The following ZKSCAN3 variants were observed in gnomAD, a reference collection of about 807,000 sequenced individuals.
ZKSCAN3 encodes zinc finger protein with KRAB and SCAN domains 3.
ZKSCAN3 carries 21 observed loss-of-function variants against 30.7 expected under a neutral mutation model. The ratio of observed to expected loss-of-function variants is 0.68; its 90% CI spans 0.49 to 0.99. The LOEUF is 0.99. Ranked by LOEUF, ZKSCAN3 falls within the 50% of genes least tolerant of loss-of-function variation. ZKSCAN3 has a pLI of 0.00. For missense variants in ZKSCAN3, 507 were observed against 647.1 expected (o/e 0.78, Z 2.35); for synonymous variants, 201 against 246.7 (o/e 0.81, Z 1.73).
chr6:28,362,720 T>A (rs1765814605), intron 3 of ZKSCAN3, among the ~76,000 whole-genome samples: 1 of 152,206 alleles, frequency 6.6e-6, no homozygotes, highest in South Asian at 2.1e-4. Context: ...CCTGAAGCTC[T>A]TTACTTTTCT....
chr6:28,359,545 G>C lies in ZKSCAN3; in HGVS notation c.-42G>C. The C allele has an allele frequency of 6.3e-7, 1 of 1,582,620 alleles. No homozygotes were observed. Among genetic ancestry groups the C allele is most frequent in the Non-Finnish European group, 8.6e-7 (1 of 1,163,296 alleles). ...TTCAGGGATCTTCTGCAGAAATAGC[G>C]CTGGAAGCTAGAGTGAGGCCTGAGT... On this transcript the variant is annotated 5_prime_UTR_variant, in exon 2 of 6. Coordinates refer to ENST00000252211, the MANE Select transcript of ZKSCAN3 (RefSeq NM_024493.4).
rs1581721483 is a variant in ZKSCAN3 at position 28,354,007 on chromosome 6, C to G, written c.-63+3940C>G. ...AGCAGCAGCTGCTGCAGCTCTCACA[C>G]TGTCTGCCTCTGTCTCGGCTGCCTC... On this transcript the variant is annotated intron_variant, in intron 1 of 5. Coordinates refer to ENST00000252211, the MANE Select transcript of ZKSCAN3 (RefSeq NM_024493.4). 1.6e-5 allele frequency: 7 copies of G among 451,406 alleles called. No homozygotes were observed. In the East Asian group the frequency reaches 4.9e-4, roughly 31 times the overall value. The allele number at this position is 451,406 out of a possible 1,614,324, so 28.0% of individuals were successfully genotyped here.
At chr6:28,363,198 C>T in intron 3 of ZKSCAN3, 105 bp from the exon 4 acceptor site, 1 of 1,014,036 alleles carries the variant, frequency 9.9e-7, no homozygotes. Flanking sequence ...TGGGCTCAAT[C>T]AAGTGAGACA....
In ZKSCAN3 at chr6:28,360,521, A is replaced by G. The variant is rs1561937668; in HGVS notation, c.402+533A>G. 5.2e-6 allele frequency: 5 copies of G among 961,500 alleles called. 1 individual carries two copies. The allele number at this position is 961,500 out of a possible 1,614,324, so 59.6% of individuals were successfully genotyped here. A position where few individuals can be genotyped will look rare whatever the true frequency, so the allele number is the denominator to read the frequency against. ...TGTTCAAGTTCATGGACTACGTGGGAAGGAGTTCATGGACCACTGGTTATG... is the reference window on the plus strand; with the variant it reads ...TGTTCAAGTTCATGGACTACGTGGGGAGGAGTTCATGGACCACTGGTTATG... On this transcript the variant is annotated intron_variant, in intron 2 of 5. Coordinates refer to ENST00000252211, the MANE Select transcript of ZKSCAN3 (RefSeq NM_024493.4).
chr6:28,362,906 G>A (rs1434778972), intron 3 of ZKSCAN3, among the ~76,000 whole-genome samples: 1 of 152,140 alleles, frequency 6.6e-6, no homozygotes, highest in Non-Finnish European at 1.5e-5. Context: ...AAAATTCAAA[G>A]GATCTTCAGA....
rs530163374 is a variant in ZKSCAN3, at chr6:28,352,141, G to A, written c.-63+2074G>A. On this transcript the variant is annotated intron_variant, in intron 1 of 5. Transcript: ENST00000252211. ...GGTAAAAATGCCATTTATTTGTTGA[G>A]GAACTTGAACCTTCTGTTTTATAAA... 1.4e-4 allele frequency among the ~76,000 whole-genome samples: 22 copies of A among 152,120 alleles called. No homozygotes were observed. In the East Asian group the frequency reaches 4.1e-3, roughly 28 times the overall value.
chr6:28,353,874 A>C (rs752403128), intron 1 of ZKSCAN3: 51 of 456,604 alleles, frequency 1.1e-4, no homozygotes, highest in South Asian at 7.4e-4. Flanking sequence ...CTGTCATGCC[A>C]AGTGTCAGGT....
In ZKSCAN3 at chr6:28,363,706, G is replaced by C. The variant is rs1309527986; in HGVS notation, c.648G>C (p.Val216=). ...LTPESQGLLK[V]EDVALTLTPE... ...TATTGTTTTAGGGGTTGTTGAAAGTGGAAGATGTGGCCCTGACCCTCACCC... is the reference window on the plus strand; with the variant it reads ...TATTGTTTTAGGGGTTGTTGAAAGTCGAAGATGTGGCCCTGACCCTCACCC... The change falls in exon 5 of 6, where the codon GTG becomes GTC. Residue 216 remains valine, a synonymous_variant. Coordinates refer to ENST00000252211, the MANE Select transcript of ZKSCAN3 (RefSeq NM_024493.4). 6.2e-7 allele frequency: 1 copy of C among 1,614,092 alleles called. No homozygotes were observed. Among genetic ancestry groups the C allele is most frequent in the Non-Finnish European group, 8.5e-7 (1 of 1,179,986 alleles).
At chr6:28,358,989 G>A (rs1327716492) in intron 1 of ZKSCAN3, among the ~76,000 whole-genome samples, 1 of 151,920 alleles carries the variant, frequency 6.6e-6, no homozygotes, top group Non-Finnish European at 1.5e-5. Context: ...TTCAATATTA[G>A]GGTCTTCCCA....
In ZKSCAN3 at chr6:28,368,451, C is replaced by G. The variant is rs1766059647; in HGVS notation, c.*2166C>G. On this transcript the variant is annotated 3_prime_UTR_variant, in exon 6 of 6. Coordinates refer to ENST00000252211, the MANE Select transcript of ZKSCAN3 (RefSeq NM_024493.4). ...GCTATCTACTTTTTTGTTAAACATA[C>G]TGTGTAGACCATCTTTTTTTTTTCC... is the stretch of plus-strand genomic sequence containing the variant. 6.6e-6 allele frequency: 1 copy of G among 152,084 alleles called. No individual in the cohort carries two copies. The highest frequency in any genetic ancestry group is 2.4e-5 in the African/African-American group (1 of 41,398). The allele number at this position is 152,084 out of a possible 1,614,324, so 9.4% of individuals were successfully genotyped here.
rs1178931749 is a variant in ZKSCAN3 at position 28,359,729 on chromosome 6, G to C, written c.143G>C (p.Arg48Pro). Reference sequence around the variant, plus strand: ...CTGGGTTCTGAGGGCTCCCGCGAGCGCTTCCGAGGCTTCCGCTACCCGGAG... The same window carrying C: ...CTGGGTTCTGAGGGCTCCCGCGAGCCCTTCCGAGGCTTCCGCTACCCGGAG... Reference protein sequence around the residue: ...PDLGSEGSRERFRGFRYPEAA... With the variant: ...PDLGSEGSREPFRGFRYPEAA... The change falls in exon 2 of 6, where the codon CGC (arginine) becomes CCC (proline). Residue 48 changes from arginine to proline, a missense_variant. Physicochemically the swap from Arg to Pro is moderately radical, Grantham distance 103 (BLOSUM62 -2). Coordinates refer to ENST00000252211, the MANE Select transcript of ZKSCAN3 (RefSeq NM_024493.4). 6.2e-7 allele frequency: 1 copy of C among 1,614,006 alleles called. No homozygotes were observed. Among genetic ancestry groups the C allele is most frequent in the Non-Finnish European group, 8.5e-7 (1 of 1,180,050 alleles).
intron 1 of ZKSCAN3, chr6:28,353,742 T>C: frequency 2.3e-6 from 1 of 439,708 alleles, no homozygotes; most frequent in South Asian, 1.6e-5. Context: ...AAGATAGTTC[T>C]GGGGAAGACT....
rs1266301948 is a variant in ZKSCAN3, at chr6:28,351,596, T to C, written c.-63+1529T>C. ...TTGGTCATTTTCTTTCATTCTTCTT[T>C]TCCCTCCTTTCCACTCTCTTTCCTT... On this transcript the variant is annotated intron_variant, in intron 1 of 5. Coordinates refer to ENST00000252211, the MANE Select transcript of ZKSCAN3 (RefSeq NM_024493.4). This position sits in a 1 kb window ranked among gnomAD's most constrained non-coding sequence, Gnocchi z 4.6. 6.6e-6 allele frequency among the ~76,000 whole-genome samples: 1 copy of C among 152,034 alleles called. No homozygotes were observed. Among genetic ancestry groups the C allele is most frequent in the Non-Finnish European group, 1.5e-5 (1 of 67,996 alleles).
In ZKSCAN3 at chr6:28,365,846, C is replaced by G. The variant is rs762012780; in HGVS notation, c.1178C>G (p.Thr393Ser). The part of the protein sequence containing the change: ...SDLIKHQRTH[T>S]GEKPYECDDC... ...CTTATCAAGCATCAGAGAACCCACA[C>G]TGGGGAGAAGCCCTATGAGTGTGAT... The change falls in exon 6 of 6, where the codon ACT becomes AGT. Residue 393 changes from threonine (T) to serine (S), a missense_variant. Physicochemically the swap from Thr to Ser is moderately conservative, Grantham distance 58. Coordinates refer to ENST00000252211, the MANE Select transcript of ZKSCAN3 (RefSeq NM_024493.4). 1.9e-6 allele frequency: 3 copies of G among 1,613,928 alleles called. No individual in the cohort carries two copies. The highest frequency in any genetic ancestry group is 2.5e-6 in the Non-Finnish European group (3 of 1,179,940).
Position 28,367,722 on chromosome 6 carries a change from ATT to A in ZKSCAN3, c.*1453_*1454del, listed in dbSNP as rs55844189. On this transcript the variant is annotated 3_prime_UTR_variant, in exon 6 of 6. Coordinates refer to ENST00000252211, the MANE Select transcript of ZKSCAN3 (RefSeq NM_024493.4). ...CTCCAGCTCAATGGATTCACACCAAATTTTTTTTTTTTTTTTTAGACGGAGTC... is the reference window on the plus strand; with the variant it reads ...CTCCAGCTCAATGGATTCACACCAAATTTTTTTTTTTTTTTAGACGGAGTC... 0.3 allele frequency: 43,419 copies of A among 143,026 alleles called. 7,385 individuals are homozygous for A. Among genetic ancestry groups the A allele is most frequent in the African/African-American group, 0.47 (18,437 of 38,960 alleles). The allele number at this position is 143,026 out of a possible 1,614,324, so 8.9% of individuals were successfully genotyped here.
chr6:28,358,550 G>A (rs115286089), intron 1 of ZKSCAN3, among the ~76,000 whole-genome samples: 2,808 of 151,906 alleles, frequency 0.018, 48 homozygotes, highest in Non-Finnish European at 0.031. Context: ...AACTGTATTA[G>A]TTTTCTATTG....
At chr6:28,352,964 C>CTTT (rs5875156) in intron 1 of ZKSCAN3, among the ~76,000 whole-genome samples, 3 of 129,916 alleles carry the variant, frequency 2.3e-5, no homozygotes, top group East Asian at 4.3e-4. Context: ...TTTTCTTTTT[C>CTTT]TTTTTTTTTT....
intron 1 of ZKSCAN3, among the ~76,000 whole-genome samples, chr6:28,350,683 A>C (rs906702954): frequency 3.3e-5 from 5 of 152,178 alleles, no homozygotes; most frequent in Non-Finnish European, 7.3e-5. Context: ...CTATGATGAC[A>C]CATTAGTGAC....
At chr6:28,350,167 G>C (rs1764889553) in intron 1 of ZKSCAN3, 100 bp downstream of exon 1, 1 of 152,470 alleles carries the variant, frequency 6.6e-6, no homozygotes, top group Admixed American at 6.6e-5. Flanking sequence ...CCCAAGGAGG[G>C]AGACCCCTGC....
Sources: allele counts gnomAD v4.1 joint callset (sites outside exome capture counted in the v4.1 genomes callset), GRCh38; gene constraint gnomAD v4.1.1; non-coding constraint Gnocchi (gnomAD v3.1); transcripts MANE v1.5; gene names NCBI Gene and HGNC (gene_info 2026-07-23, HGNC 2026-07-21).